URGCP: variants seen among roughly 807,000 people sequenced by gnomAD.
URGCP encodes the protein up-regulator of cell proliferation.
In URGCP, 13 loss-of-function variants were observed where a neutral mutation model predicts 24.6. The ratio of observed to expected loss-of-function variants is 0.53; its 90% confidence interval spans 0.34 to 0.84. The LOEUF (loss-of-function observed/expected upper bound fraction) is 0.84, where lower values mean the gene tolerates loss of function less well. Among genes scored for constraint, URGCP ranks in the 40% least tolerant of loss-of-function variants. The pLI, the probability that URGCP is intolerant of heterozygous loss-of-function variation, is 0.01. For missense variants in URGCP, 899 were observed against 1,194.3 expected (o/e 0.75, Z 3.64); for synonymous variants, 444 against 487.2 (o/e 0.91, Z 1.17).
intron 1 of URGCP, among the ~76,000 whole-genome samples, chr7:43,900,501 G>T (rs1397773163): frequency 6.9e-6 from 1 of 145,160 alleles, no homozygotes. Context: ...AAGAAAAAAA[G>T]TCACAATTCA....
chr7:43,912,869 G>A (rs1436019562), intron 1 of URGCP, among the ~76,000 whole-genome samples: 1 of 145,822 alleles, frequency 6.9e-6, no homozygotes, highest in Non-Finnish European at 1.5e-5. Flanking sequence ...TTTTCTTTTT[G>A]AGACAGAGTC....
chr7:43,918,711 C>A (rs372849583), intron 1 of URGCP: 13 of 708,816 alleles, frequency 1.8e-5, no homozygotes, highest in African/African-American at 1.8e-4. Context: ...CAAGAGAAAT[C>A]ATCACCCACA....
intron 3 of URGCP, 64 bp downstream of exon 3, chr7:43,887,351 C>A: frequency 6.3e-7 from 1 of 1,583,934 alleles, no homozygotes; most frequent in Non-Finnish European, 8.6e-7. Flanking sequence ...ACCCAGAATC[C>A]CAAGGGGACA....
chr7:43,917,237 C>A (rs541906418), intron 1 of URGCP, among the ~76,000 whole-genome samples: 2 of 152,312 alleles, frequency 1.3e-5, no homozygotes, highest in East Asian at 3.9e-4. Context: ...ATAAGGATCA[C>A]TGTTTATATT....
chr7:43,878,523 T>C lies in URGCP; in HGVS notation c.940A>G (p.Ile314Val), dbSNP rs758270665. 2.0e-5 allele frequency: 33 copies of C among 1,614,150 alleles called. No homozygotes were observed. The highest frequency in any genetic ancestry group is 2.6e-5 in the Non-Finnish European group (31 of 1,180,022). Residue 314 changes from isoleucine to valine, a missense_variant, in exon 6 of 6, where the codon ATT (isoleucine) becomes GTT (valine). Transcript: ENST00000453200. The surrounding 1 kb of genome is among the most constrained non-coding windows in gnomAD (Gnocchi z 5.6). The part of the protein sequence containing the change: ...AREISDGLVE[I>V]SWFFPSGRED... The stretch of plus-strand genomic sequence containing the variant: ...CTTCCGCTGGGAAAAAACCAGGAAA[T>C]TTCTACCAACCCATCCGAAATCTCC...
intron 1 of URGCP, among the ~76,000 whole-genome samples, chr7:43,891,504 C>A (rs1482047015): frequency 6.6e-6 from 1 of 152,170 alleles, no homozygotes. Context: ...AAGTCACAAT[C>A]TTCCTGCGCC....
intron 1 of URGCP, chr7:43,905,825 AAAT>A (rs1186102795): frequency 1.3e-5 from 2 of 152,236 alleles, no homozygotes; most frequent in Non-Finnish European, 2.9e-5. Flanking sequence ...AAAAACAAAA[AAAT>A]AATGAATTAC....
chr7:43,881,350 C>A, intron 5 of URGCP: 1 of 645,030 alleles, frequency 1.6e-6, no homozygotes, highest in African/African-American at 1.8e-5. Flanking sequence ...ACTTCAGGAA[C>A]TTGTTAAAAA....
At chr7:43,893,231 A>G (rs1414217666) in intron 1 of URGCP, among the ~76,000 whole-genome samples, 1 of 152,182 alleles carries the variant, frequency 6.6e-6, no homozygotes, top group Non-Finnish European at 1.5e-5. Context: ...CAGGAGGCTG[A>G]GGTGAGAGGA....
rs1200865797 is a variant in URGCP, at chr7:43,887,396, C to G, written c.112+19G>C. On this transcript the variant is annotated intron_variant, in intron 3 of 5. Transcript: ENST00000453200. ...CTTCAGCTCCAGAGTGGGCCCACAT[C>G]CAATTCATCCAACTTTACCTGCAAT... The G allele has an allele frequency of 1.9e-6, 3 of 1,613,304 alleles. No homozygotes were observed. The highest frequency in any genetic ancestry group is 3.3e-5 in the Admixed American group (2 of 59,908).
upstream of URGCP, among the ~76,000 whole-genome samples, chr7:43,908,269 G>T (rs2095906379): frequency 6.6e-6 from 1 of 152,136 alleles, no homozygotes; most frequent in Non-Finnish European, 1.5e-5. Flanking sequence ...GTAGAGACAG[G>T]GTTTCCCCAT....
At position 43,916,807 on chromosome 7, in the gene URGCP, G is replaced by GA. The variant is rs1246362171; in HGVS notation, c.-116+9324dup. On this transcript the variant is annotated intron_variant, in intron 1 of 5. Coordinates refer to the URGCP transcript ENST00000426198. ...GGGACTCAGGGATACAAGGACAAAA[G>GA]AAAGAGGGACGCCTTGCTTTCTCTC... 4.5e-5 allele frequency among the ~76,000 whole-genome samples: 6 copies of GA among 133,552 alleles called. No homozygotes were observed. The East Asian group carries it at 1.4e-3, about 32-fold the overall frequency. 87.6% of individuals were successfully genotyped at this position (133,552 alleles called of 152,430 possible).
upstream of URGCP, among the ~76,000 whole-genome samples, chr7:43,910,099 G>A (rs76595123): frequency 0.01 from 1,581 of 152,026 alleles, 36 homozygotes; most frequent in African/African-American, 0.036. Flanking sequence ...TGTAGGCTGG[G>A]CATTGTGGCT....
At chr7:43,888,067 T>G in intron 1 of URGCP, 1 of 458,836 alleles carries the variant, frequency 2.2e-6, no homozygotes, top group Non-Finnish European at 3.9e-6. Flanking sequence ...ATGATTACAA[T>G]TTAATAAAAT....
Position 43,876,616 on chromosome 7 carries a change from C to G in URGCP, c.*51G>C. On this transcript the variant is annotated 3_prime_UTR_variant, in exon 6 of 6. Transcript: ENST00000453200. ...AGCCCCACACGGGTGCCCCATCAGA[C>G]AGGGCTGCCCACAGCAGCCTCCTAC... The G allele has an allele frequency of 6.4e-7, 1 of 1,567,114 alleles. No individual in the cohort carries two copies. The highest frequency in any genetic ancestry group is 8.7e-7 in the Non-Finnish European group (1 of 1,152,316).
chr7:43,916,911 A>G (rs1273689201), intron 1 of URGCP, among the ~76,000 whole-genome samples: 1 of 152,136 alleles, frequency 6.6e-6, no homozygotes, highest in Non-Finnish European at 1.5e-5. Flanking sequence ...ATGAGTAGGC[A>G]TACATCTTTC....
intron 1 of URGCP, chr7:43,906,354 C>CCCCG (rs2095902633): frequency 6.6e-6 from 2 of 303,036 alleles, no homozygotes; most frequent in Non-Finnish European, 8.7e-6. Context: ...CCGCCGGCGC[C>CCCCG]CCCGCCCGCC....
intron 1 of URGCP, among the ~76,000 whole-genome samples, chr7:43,897,942 G>A (rs894707589): frequency 1.3e-5 from 2 of 152,194 alleles, no homozygotes; most frequent in African/African-American, 4.8e-5. Flanking sequence ...CAGATAGGGA[G>A]GTCTGTGGGT....
intron 1 of URGCP, among the ~76,000 whole-genome samples, chr7:43,891,789 A>AT (rs899436660): frequency 2.0e-5 from 3 of 151,384 alleles, no homozygotes; most frequent in African/African-American, 4.8e-5. Context: ...TACTTTTTGT[A>AT]TTTTTTTCCC....
Sources: allele counts gnomAD v4.1 joint callset (sites outside exome capture counted in the v4.1 genomes callset), GRCh38; gene constraint gnomAD v4.1.1; non-coding constraint Gnocchi (gnomAD v3.1); transcripts MANE v1.5; gene names NCBI Gene and HGNC (gene_info 2026-07-23, HGNC 2026-07-21).